DCDC2C: variants seen among roughly 807,000 people sequenced by gnomAD.
DCDC2C encodes the protein doublecortin domain containing 2C, also known as doublecortin domain-containing protein 2C.
A neutral mutation model predicts 45.0 loss-of-function variants in DCDC2C; 44 were observed. The ratio of observed to expected loss-of-function variants is 0.98; its 90% CI spans 0.77 to 1.26. The LOEUF (loss-of-function observed/expected upper bound fraction) is 1.26, where lower values mean the gene tolerates loss of function less well. Among genes scored for constraint, DCDC2C ranks in the 50% most tolerant of loss-of-function variants. DCDC2C has a pLI of 0.00. For synonymous variants in DCDC2C, 187 were observed against 178.8 expected (o/e 1.05, Z -0.37); for missense variants, 447 against 468.9 (o/e 0.95, Z 0.43).
chr2:3,703,744 G>A lies in DCDC2C; in HGVS notation c.-8G>A. ...TCGGCCCCGGCGAGCGAGGAGCGGG[G>A]CGCGGCTATGGGAACCCGCGGGCCC... is the stretch of plus-strand genomic sequence containing the variant. On this transcript the variant is annotated 5_prime_UTR_variant, in exon 1 of 11. Transcript: ENST00000399143. The surrounding 1 kb of genome is among the most constrained non-coding windows in gnomAD (Gnocchi z 4.4). 1 of 1,230,454 alleles carries A rather than the reference G, an allele frequency of 8.1e-7. No homozygotes were observed. The highest frequency in any genetic ancestry group is 1.0e-6 in the Non-Finnish European group (1 of 986,544). 76.2% of individuals were successfully genotyped at this position (1,230,454 alleles called of 1,614,324 possible).
chr2:3,771,759 C>T (rs898797134), intron 8 of DCDC2C, among the ~76,000 whole-genome samples: 4 of 152,216 alleles, frequency 2.6e-5, no homozygotes, highest in African/African-American at 4.8e-5. Context: ...AGAACTTGCG[C>T]GAGCGTGGCT....
chr2:3,818,940 C>T lies in DCDC2C; in HGVS notation c.1066-28214C>T, dbSNP rs758809920. On this transcript the variant is annotated intron_variant, in intron 10 of 10. Coordinates refer to ENST00000399143, the MANE Select transcript of DCDC2C (RefSeq NM_001287444.2). This position sits in a 1 kb window ranked among gnomAD's most constrained non-coding sequence, Gnocchi z 4.7. ...GGAGTGCATAAAAGAATATTGTTTA[C>T]GTTGGCACCAGAGTTGTGGAGTTTT... Among the ~76,000 whole-genome samples the T allele has an allele frequency of 2.7e-4, 41 of 152,238 alleles. No homozygotes were observed. The highest frequency in any genetic ancestry group is 3.4e-3 in the Middle Eastern group (1 of 294).
intron 10 of DCDC2C, among the ~76,000 whole-genome samples, chr2:3,826,866 G>C (rs1026665081): frequency 6.6e-6 from 1 of 152,064 alleles, no homozygotes; most frequent in Non-Finnish European, 1.5e-5. Flanking sequence ...CATGTGCATT[G>C]CATCTCTGTG....
At chr2:3,774,059 A>G (rs921498587) in intron 8 of DCDC2C, among the ~76,000 whole-genome samples, 10 of 152,232 alleles carry the variant, frequency 6.6e-5, no homozygotes, top group Non-Finnish European at 8.8e-5. Context: ...AGAGATAAGA[A>G]TAAGTCACCA....
intron 1 of DCDC2C, 66 bp downstream of exon 1, chr2:3,704,104 C>G: frequency 8.3e-7 from 1 of 1,201,938 alleles, no homozygotes; most frequent in Non-Finnish European, 1.0e-6. Flanking sequence ...TGAGCGTGGT[C>G]AGGGCCGTGC....
intron 4 of DCDC2C, among the ~76,000 whole-genome samples, chr2:3,746,091 G>A (rs1474154481): frequency 6.6e-6 from 1 of 152,136 alleles, no homozygotes; most frequent in African/African-American, 2.4e-5. Flanking sequence ...GAGGCTGTTG[G>A]CTGAGTGCCA....
At chr2:3,769,560 C>T (rs1572602177) in intron 8 of DCDC2C, 149 bp downstream of exon 8, 4 of 711,790 alleles carry the variant, frequency 5.6e-6, no homozygotes, top group Non-Finnish European at 9.3e-6. Flanking sequence ...CTGCTCATCT[C>T]AGATCCTGTG....
chr2:3,777,587 A>AT (rs1237553939), intron 8 of DCDC2C, among the ~76,000 whole-genome samples: 2 of 152,084 alleles, frequency 1.3e-5, no homozygotes, highest in Non-Finnish European at 1.5e-5. Context: ...TACAAAGCTT[A>AT]TTTTTTTACG....
chr2:3,720,199 C>A (rs1051118168), intron 2 of DCDC2C, among the ~76,000 whole-genome samples: 2 of 152,328 alleles, frequency 1.3e-5, no homozygotes, highest in African/African-American at 4.8e-5. Flanking sequence ...GGTGGCCAGA[C>A]TTGAGTTGTT....
At chr2:3,714,894 C>G (rs1455930389) in intron 2 of DCDC2C, among the ~76,000 whole-genome samples, 1 of 152,144 alleles carries the variant, frequency 6.6e-6, no homozygotes, top group Non-Finnish European at 1.5e-5. Context: ...GTCAGGAACA[C>G]ATTTGGAAGC....
chr2:3,709,497 G>T (rs1187905870), intron 2 of DCDC2C, among the ~76,000 whole-genome samples: 1 of 152,248 alleles, frequency 6.6e-6, no homozygotes, highest in Non-Finnish European at 1.5e-5. Context: ...GCGTTCCGCT[G>T]CCTTCTTGGA....
rs186924751 is a variant in DCDC2C at position 3,826,609 on chromosome 2, G to T, written c.1066-20545G>T. Among the ~76,000 whole-genome samples, 390 of 152,138 alleles carry T rather than the reference G, an allele frequency of 2.6e-3. 3 individuals carry two copies. Among genetic ancestry groups the T allele is most frequent in the African/African-American group, 9.1e-3 (377 of 41,504 alleles). ...TTTCCCACATTGCTGATCTTGAAGC[G>T]TGCTAGCTGGCACTCGCTGACAGGC... On this transcript the variant is annotated intron_variant, in intron 10 of 10. Coordinates refer to ENST00000399143, the MANE Select transcript of DCDC2C (RefSeq NM_001287444.2).
intron 7 of DCDC2C, 92 bp downstream of exon 7, chr2:3,767,972 C>A: frequency 2.4e-6 from 3 of 1,263,878 alleles, no homozygotes; most frequent in East Asian, 2.9e-5. Context: ...ATCTTATACT[C>A]CAGAAATATT....
At chr2:3,820,564 C>T (rs1008581604) in intron 10 of DCDC2C, among the ~76,000 whole-genome samples, 2 of 152,182 alleles carry the variant, frequency 1.3e-5, no homozygotes, top group African/African-American at 4.8e-5. Context: ...AATAATCAGG[C>T]AGGTGTCCCC....
chr2:3,786,937 T>C (rs1456375284), intron 10 of DCDC2C, among the ~76,000 whole-genome samples: 1 of 152,250 alleles, frequency 6.6e-6, no homozygotes, highest in Non-Finnish European at 1.5e-5. Flanking sequence ...ATGTTTAAAA[T>C]GGTGTTTATA....
intron 8 of DCDC2C, among the ~76,000 whole-genome samples, chr2:3,774,206 G>A (rs1271646454): frequency 6.6e-6 from 1 of 152,248 alleles, no homozygotes; most frequent in Non-Finnish European, 1.5e-5. Flanking sequence ...GAGTAACTCA[G>A]ACGGAGGCCA....
intron 6 of DCDC2C, among the ~76,000 whole-genome samples, chr2:3,760,230 G>A (rs1342093056): frequency 2.6e-5 from 4 of 152,220 alleles, no homozygotes; most frequent in Non-Finnish European, 2.9e-5. Context: ...ATTTTGAATA[G>A]AAGAAAATAT....
intron 3 of DCDC2C, among the ~76,000 whole-genome samples, chr2:3,736,653 G>C (rs1228629968): frequency 6.6e-6 from 1 of 152,174 alleles, no homozygotes; most frequent in African/African-American, 2.4e-5. Flanking sequence ...TTCTGAGCTT[G>C]CTGTGGTCAA....
intron 2 of DCDC2C, among the ~76,000 whole-genome samples, chr2:3,725,498 G>C (rs62106604): frequency 7.2e-5 from 6 of 83,640 alleles, no homozygotes; most frequent in African/African-American, 8.1e-5. Flanking sequence ...GAGCAGAGAG[G>C]GAGGAGGCTG....
Sources: allele counts gnomAD v4.1 joint callset (sites outside exome capture counted in the v4.1 genomes callset), GRCh38; gene constraint gnomAD v4.1.1; non-coding constraint Gnocchi (gnomAD v3.1); transcripts MANE v1.5; gene names NCBI Gene and HGNC (gene_info 2026-07-23, HGNC 2026-07-21).